EPPK1: variants seen among roughly 807,000 people sequenced by gnomAD.
EPPK1 encodes epiplakin 1.
For synonymous variants in EPPK1, 1,862 were observed against 1,721.2 expected, an observed-to-expected ratio of 1.08 and a Z score of -2.03; for missense variants, 3,823 against 3,673.3, an observed-to-expected ratio of 1.04 and a Z score of -1.05.
Position 143,870,159 on chromosome 8 carries a change from G to T in EPPK1, c.3095C>A (p.Pro1032His), listed in dbSNP as rs1819292042. The T allele has an allele frequency of 6.2e-7, 1 of 1,611,836 alleles. No homozygotes were observed. Among genetic ancestry groups the T allele is most frequent in the African/African-American group, 1.3e-5 (1 of 74,988 alleles). Residue 1032 changes from proline (P) to histidine (H), a missense_variant, in exon 2 of 2, where the codon CCT (proline) becomes CAT (histidine). Transcript: ENST00000615648. This position sits in a 1 kb window ranked among gnomAD's most constrained non-coding sequence, Gnocchi z 5.2. Reference protein sequence around the residue: ...VFQAMKKGLIPWEQAARLLEA... With the variant: ...VFQAMKKGLIHWEQAARLLEA... ...CAGGAGGCGGGCAGCTTGCTCCCAA[G>T]GGATGAGACCTTTCTTCATGGCCTG...
rs1554660193 is a variant in EPPK1, at chr8:143,869,017, T to G, written c.4237A>C (p.Thr1413Pro). 1 of 1,610,298 alleles carries G rather than the reference T, an allele frequency of 6.2e-7. No homozygotes were observed. The highest frequency in any genetic ancestry group is 2.2e-5 in the East Asian group (1 of 44,896). ...CAGCGCTCCCTGAGCTGCTGGTAGG[T>G]CACCTGGTCCCGCGCACTGGGGTCA... ...FFDPSARDQV[T>P]YQQLRERCVC... The change falls in exon 2 of 2, where the codon ACC (threonine) becomes CCC (proline). Residue 1413 changes from threonine to proline, a missense_variant. Physicochemically the swap from Thr to Pro is conservative, Grantham distance 38. Transcript: ENST00000615648.
rs1554657856 is a variant in EPPK1 at position 143,857,950 on chromosome 8, C to A, written c.*37G>T. On this transcript the variant is annotated 3_prime_UTR_variant, in exon 2 of 2. Coordinates refer to ENST00000615648, the MANE Select transcript of EPPK1 (RefSeq NM_031308.4). ...CAGACACACAAGTATGCCTCCACTT[C>A]TCCAGAGTTGCAGAAAACTGCACGG... 14 of 1,102,490 alleles carry A rather than the reference C, an allele frequency of 1.3e-5. No individual in the cohort carries two copies. The highest frequency in any genetic ancestry group is 1.7e-5 in the Non-Finnish European group (13 of 774,310). 68.3% of individuals were successfully genotyped at this position (1,102,490 alleles called of 1,614,324 possible).
chr8:143,873,283 G>A lies in EPPK1; in HGVS notation c.-30C>T, dbSNP rs1819418501. The A allele has an allele frequency of 3.3e-6, 5 of 1,508,700 alleles. No homozygotes were observed. The highest frequency in any genetic ancestry group is 4.4e-6 in the Non-Finnish European group (5 of 1,137,316). 93.5% of individuals were successfully genotyped at this position (1,508,700 alleles called of 1,614,324 possible). The stretch of plus-strand genomic sequence containing the variant: ...CACGGCTGGTTATGCAGAGCCTGCT[G>A]AGGTCCACCTCTGTCCTGCAGGGGA... On this transcript the variant is annotated 5_prime_UTR_variant, in exon 2 of 2. Transcript: ENST00000615648.
At position 143,868,510 on chromosome 8, in the gene EPPK1, G is replaced by C; in HGVS notation, c.4744C>G (p.Gln1582Glu). 6.2e-7 allele frequency: 1 copy of C among 1,609,344 alleles called. No homozygotes were observed. Among genetic ancestry groups the C allele is most frequent in the Non-Finnish European group, 8.5e-7 (1 of 1,178,480 alleles). The change falls in exon 2 of 2, where the codon CAG becomes GAG. Residue 1582 changes from glutamine to glutamate, a missense_variant. Gln to Glu is a conservative substitution (Grantham distance 29, BLOSUM62 2). Coordinates refer to ENST00000615648, the MANE Select transcript of EPPK1 (RefSeq NM_031308.4). ...FIAGVLIQGTQERMSIPEALR... is the reference protein window; with the variant it reads ...FIAGVLIQGTEERMSIPEALR... ...GCCTCTGGGATGCTCATCCTCTCCTGGGTGCCCTGGATAAGGACCCCGGCA... is the reference window on the plus strand; with the variant it reads ...GCCTCTGGGATGCTCATCCTCTCCTCGGTGCCCTGGATAAGGACCCCGGCA...
At position 143,867,077 on chromosome 8, in the gene EPPK1, C is replaced by T. The variant is rs373733680; in HGVS notation, c.6177G>A (p.Thr2059=). The part of the protein sequence containing the change: ...HMRKRFVDPN[T]QEKVSYRELQ... ...GCTCTCGGTACGAGACCTTCTCTTG[C>T]GTGTTCGGGTCCACAAACCGTTTCC... The change falls in exon 2 of 2, where the codon ACG becomes ACA. Residue 2059 remains threonine (T), a synonymous_variant. Coordinates refer to ENST00000615648, the MANE Select transcript of EPPK1 (RefSeq NM_031308.4). 3.8e-5 allele frequency: 62 copies of T among 1,612,844 alleles called. No homozygotes were observed. Among genetic ancestry groups the T allele is most frequent in the Middle Eastern group, 1.6e-4 (1 of 6,082 alleles).
At chr8:143,873,752 C>CCTTTGGGTGCCTCT (rs148155455) in intron 1 of EPPK1, among the ~76,000 whole-genome samples, 60,690 of 148,946 alleles carry the variant, frequency 0.41, 14,421 homozygotes, top group Middle Eastern at 0.63. Flanking sequence ...CATCTCCCCA[C>CCTTTGGGTGCCTCT]CTTTTGTTCT....
Position 143,871,252 on chromosome 8 carries a change from G to A in EPPK1, c.2002C>T (p.Leu668=). 1 of 1,613,086 alleles carries A rather than the reference G, an allele frequency of 6.2e-7. No individual in the cohort carries two copies. Among genetic ancestry groups the A allele is most frequent in the South Asian group, 1.1e-5 (1 of 91,084 alleles). Residue 668 remains leucine (L), a synonymous_variant, in exon 2 of 2, where the codon CTG becomes TTG. Coordinates refer to ENST00000615648, the MANE Select transcript of EPPK1 (RefSeq NM_031308.4). Reference sequence around the variant, plus strand: ...TCAGGCCCAATGACAGCAGCCCTCAGTGCCTCCTCAACGGAGTGCCCCTTG... The same window carrying A: ...TCAGGCCCAATGACAGCAGCCCTCAATGCCTCCTCAACGGAGTGCCCCTTG... ...ANKGHSVEEA[L]RAAVIGPDVF... is the part of the protein sequence containing the mutation.
In EPPK1 at chr8:143,866,411, C is replaced by A. The variant is rs1819108151; in HGVS notation, c.6843G>T (p.Leu2281=). ...FVIDPVRNLR[L]SVEEAVAAGV... is the part of the protein sequence containing the mutation. ...CCGCGGCCACGGCCTCCTCCACCGA[C>A]AGCCTCAGGTTGCGCACGGGGTCGA... Residue 2281 remains leucine, a synonymous_variant, in exon 2 of 2, where the codon CTG becomes CTT. Coordinates refer to ENST00000615648, the MANE Select transcript of EPPK1 (RefSeq NM_031308.4). The A allele has an allele frequency of 8.6e-7, 1 of 1,165,868 alleles. No homozygotes were observed. The highest frequency in any genetic ancestry group is 1.2e-6 in the Non-Finnish European group (1 of 861,584). 72.2% of individuals were successfully genotyped at this position (1,165,868 alleles called of 1,614,324 possible).
At position 143,870,578 on chromosome 8, in the gene EPPK1, G is replaced by A. The variant is rs370616297; in HGVS notation, c.2676C>T (p.Leu892=). Residue 892 remains leucine, a synonymous_variant, in exon 2 of 2, where the codon CTC becomes CTT. Coordinates refer to ENST00000615648, the MANE Select transcript of EPPK1 (RefSeq NM_031308.4). The surrounding 1 kb of genome is among the most constrained non-coding windows in gnomAD (Gnocchi z 5.2). The stretch of plus-strand genomic sequence containing the variant: ...GCTGGTCAATGATACCGGCCTCCAG[G>A]AGCTGGTGGACGGTGACCCGGCTCC... ...ALRSRVTVHQ[L]LEAGIIDQQL... 19 of 1,610,702 alleles carry A rather than the reference G, an allele frequency of 1.2e-5. No homozygotes were observed. The African/African-American group carries it at 2.1e-4, about 18-fold the overall frequency.
chr8:143,878,024 G>C (rs1819514093), intron 1 of EPPK1, among the ~76,000 whole-genome samples: 1 of 152,030 alleles, frequency 6.6e-6, no homozygotes, highest in African/African-American at 2.4e-5. Flanking sequence ...TCAATTTGTC[G>C]GCCTAGCTGC....
At position 143,870,881 on chromosome 8, in the gene EPPK1, C is replaced by CTGT. The variant is rs782644898; in HGVS notation, c.2372_2373insACA (p.Thr791_Gly792insGln). The stretch of plus-strand genomic sequence containing the variant: ...TGCTGAGTGGCAGGAGGTACAGGCC[C>CTGT]GTCTCGGGGTCACGCACACAGCGCT... On this transcript the variant is annotated inframe_insertion, in exon 2 of 2. Coordinates refer to ENST00000615648, the MANE Select transcript of EPPK1 (RefSeq NM_031308.4). This position sits in a 1 kb window ranked among gnomAD's most constrained non-coding sequence, Gnocchi z 5.2. The CTGT allele has an allele frequency of 1.2e-6, 2 of 1,613,014 alleles. No homozygotes were observed. Among genetic ancestry groups the CTGT allele is most frequent in the Non-Finnish European group, 1.7e-6 (2 of 1,179,940 alleles).
In EPPK1 at chr8:143,871,512, T is replaced by C. The variant is rs1201157343; in HGVS notation, c.1742A>G (p.Asp581Gly). ...ELLKAEIIDQ[D>G]LYERLEHGQA... ...TCCATGCTCCAGCCGCTCGTACAGG[T>C]CCTGGTCGATGATCTCGGCTTTCAG... Residue 581 changes from aspartate (D) to glycine (G), a missense_variant, in exon 2 of 2, where the codon GAC becomes GGC. Transcript: ENST00000615648. 2 of 1,609,554 alleles carry C rather than the reference T, an allele frequency of 1.2e-6. No homozygotes were observed. Among genetic ancestry groups the C allele is most frequent in the Non-Finnish European group, 8.5e-7 (1 of 1,178,858 alleles).
intron 1 of EPPK1, among the ~76,000 whole-genome samples, chr8:143,873,886 G>A (rs1323383713): frequency 4.0e-5 from 6 of 150,748 alleles, no homozygotes; most frequent in African/African-American, 1.5e-4. Context: ...CTGAGGTCCC[G>A]CCCTCCCTCC....
intron 1 of EPPK1, among the ~76,000 whole-genome samples, 197 bp downstream of exon 1, chr8:143,878,241 G>C (rs1311782061): frequency 6.6e-6 from 1 of 151,856 alleles, no homozygotes; most frequent in Non-Finnish European, 1.5e-5. Flanking sequence ...AAACCTGCCC[G>C]GCCAGAGCCC....
In EPPK1 at chr8:143,857,861, T is replaced by A. The variant is rs369931441; in HGVS notation, c.*126A>T. 4 of 625,492 alleles carry A rather than the reference T, an allele frequency of 6.4e-6. No homozygotes were observed. Among genetic ancestry groups the A allele is most frequent in the African/African-American group, 3.2e-5 (1 of 31,158 alleles). The allele number at this position is 625,492 out of a possible 1,614,324, so 38.7% of individuals were successfully genotyped here. A position where few individuals can be genotyped will look rare whatever the true frequency, so the allele number is the denominator to read the frequency against. ...GACAACTTAAAACGTTTTCCACAGA[T>A]AACGAATGGGTAAAACAACAAAATT... On this transcript the variant is annotated 3_prime_UTR_variant, in exon 2 of 2. Coordinates refer to ENST00000615648, the MANE Select transcript of EPPK1 (RefSeq NM_031308.4).
chr8:143,874,910 A>AC, intron 1 of EPPK1, among the ~76,000 whole-genome samples: 1 of 149,844 alleles, frequency 6.7e-6, no homozygotes, highest in East Asian at 2.0e-4. Flanking sequence ...GGCAGCCACC[A>AC]CCCCCGGCTG....
rs150446120 is a variant in EPPK1 at position 143,857,746 on chromosome 8, G to A, written c.*241C>T. ...TCTGAAAACGAAAAAGGAGAGAAAA[G>A]TAAAACCATATGACACATAGACGAC... is the stretch of plus-strand genomic sequence containing the variant. On this transcript the variant is annotated 3_prime_UTR_variant, in exon 2 of 2. Coordinates refer to ENST00000615648, the MANE Select transcript of EPPK1 (RefSeq NM_031308.4). The A allele has an allele frequency of 6.8e-5, 29 of 425,626 alleles. No homozygotes were observed. The East Asian group carries it at 1.0e-3, about 15-fold the overall frequency. 26.4% of individuals were successfully genotyped at this position (425,626 alleles called of 1,614,324 possible).
Position 143,866,863 on chromosome 8 carries a change from C to G in EPPK1, c.6391G>C (p.Val2131Leu). The G allele has an allele frequency of 6.2e-7, 1 of 1,613,286 alleles. No individual in the cohort carries two copies. Among genetic ancestry groups the G allele is most frequent in the Non-Finnish European group, 8.5e-7 (1 of 1,179,854 alleles). ...AGCTGGAGCTTCTTCTCCTCTGTCA[C>G]GTATTCGGAATTCAGTAGTGCCCAC... Reference protein sequence around the residue: ...TLWALLNSEYVTEEKKLQLVR... With the variant: ...TLWALLNSEYLTEEKKLQLVR... The change falls in exon 2 of 2, where the codon GTG becomes CTG. Residue 2131 changes from valine to leucine, a missense_variant. Val to Leu is a conservative substitution (Grantham distance 32). Transcript: ENST00000615648.
In EPPK1 at chr8:143,867,213, C is replaced by T. The variant is rs782033531; in HGVS notation, c.6041G>A (p.Gly2014Glu). 2 of 1,612,770 alleles carry T rather than the reference C, an allele frequency of 1.2e-6. No homozygotes were observed. The highest frequency in any genetic ancestry group is 1.1e-5 in the South Asian group (1 of 91,080). The change falls in exon 2 of 2, where the codon GGG becomes GAG. Residue 2014 changes from glycine to glutamate, a missense_variant. Physicochemically the swap from Gly to Glu is moderately conservative, Grantham distance 98. Transcript: ENST00000615648. ...GTGGTGCTGTGGGTCGATGACACCC[C>T]CCGTGGCCACCTGCACCTCCAGCAG... ...LRLLEVQVATGGVIDPQHHHR... is the reference protein window; with the variant it reads ...LRLLEVQVATEGVIDPQHHHR...
Sources: gnomAD v4.1 joint callset for allele counts (sites outside exome capture counted in the v4.1 genomes callset) on GRCh38, gnomAD v4.1.1 for gene constraint, Gnocchi (gnomAD v3.1) non-coding constraint, MANE v1.5 for transcripts, NCBI Gene and HGNC (gene_info 2026-07-23, HGNC 2026-07-21) for gene names.